Variants in CRLF2 observed in about 807,000 individuals in gnomAD.
CRLF2 encodes the protein cytokine receptor like factor 2, also known as cytokine receptor-like factor 2.
Under a neutral mutation model 38.7 loss-of-function variants are expected in CRLF2, and 41 were observed. The ratio of observed to expected loss-of-function variants is 1.06; its 90% CI spans 0.83 to 1.37. The LOEUF (loss-of-function observed/expected upper bound fraction) is 1.37. Among genes scored for constraint, CRLF2 ranks in the 40% most tolerant of loss-of-function variants. The pLI is 0.00. For missense variants in CRLF2, 377 were observed against 322.2 expected (o/e 1.17, Z -1.30); for synonymous variants, 140 against 128.8 (o/e 1.09, Z -0.59).
At position 1,190,543 on chromosome X, in the gene CRLF2, A is replaced by G. The variant is rs1239210522; in HGVS notation, c.*354T>C. Reference sequence around the variant, plus strand: ...GAATCCAATGCTATGGGAATGGTACATGGACGGAACTGGGGACTCACAGAG... The same window carrying G: ...GAATCCAATGCTATGGGAATGGTACGTGGACGGAACTGGGGACTCACAGAG... On this transcript the variant is annotated 3_prime_UTR_variant, in exon 8 of 8. Transcript: ENST00000400841. 3,134 of 292,644 alleles carry G rather than the reference A, an allele frequency of 0.011. 91 individuals carry two copies. The highest frequency in any genetic ancestry group is 0.062 in the African/African-American group (2,903 of 47,154). 18.1% of individuals were successfully genotyped at this position (292,644 alleles called of 1,614,324 possible).
rs763441854 is a variant in CRLF2, at chrX:1,196,777, T to C, written c.767+3A>G. 2 of 1,613,248 alleles carry C rather than the reference T, an allele frequency of 1.2e-6. No individual in the cohort carries two copies. The highest frequency in any genetic ancestry group is 2.2e-5 in the East Asian group (1 of 44,876). Reference sequence around the variant, plus strand: ...ACCCACGGGCGGCAGGAGTCATCCTTACCTCCATAATTTCCATAAAGACAG... The same window carrying C: ...ACCCACGGGCGGCAGGAGTCATCCTCACCTCCATAATTTCCATAAAGACAG... On this transcript the variant is annotated splice_donor_region_variant and intron_variant, in intron 6 of 7. Coordinates refer to ENST00000400841, the MANE Select transcript of CRLF2 (RefSeq NM_022148.4).
intron 3 of CRLF2, among the ~76,000 whole-genome samples, chrX:1,203,216 A>T (rs1371692092): frequency 6.6e-6 from 1 of 152,036 alleles, no homozygotes; most frequent in East Asian, 1.9e-4. Context: ...ATCCAATGAC[A>T]GGTGTCCTTC....
chrX:1,206,849 G>A (rs2086699729), intron 2 of CRLF2, among the ~76,000 whole-genome samples: 1 of 150,818 alleles, frequency 6.6e-6, no homozygotes, highest in Non-Finnish European at 1.5e-5. Flanking sequence ...CACCATGTTG[G>A]GGCCAGGCTG....
In CRLF2 at chrX:1,191,137, G is replaced by A. The variant is rs2086366121; in HGVS notation, c.876C>T (p.Asn292=). ...CTGCCATCTTGTGGAGGTGGGCCAC[G>A]TTCTGGGTGTCTGTGATCCACTCCT... ...NFQEWITDTQ[N]VAHLHKMAGA... The change falls in exon 8 of 8, where the codon AAC becomes AAT. Residue 292 remains asparagine, a synonymous_variant. Transcript: ENST00000400841. 2.3e-5 allele frequency: 9 copies of A among 398,582 alleles called. No homozygotes were observed. The South Asian group carries it at 6.4e-4, about 28-fold the overall frequency. 24.7% of individuals were successfully genotyped at this position (398,582 alleles called of 1,614,324 possible).
At chrX:1,198,522 G>A (rs777927784) in intron 5 of CRLF2, 40 bp downstream of exon 5, 7 of 1,610,578 alleles carry the variant, frequency 4.3e-6, no homozygotes, top group African/African-American at 1.3e-5. Flanking sequence ...CTCCAGCCTG[G>A]TGACAAGGCT....
chrX:1,201,987 GAGAT>G (rs2086616675), intron 4 of CRLF2, among the ~76,000 whole-genome samples: 1 of 127,270 alleles, frequency 7.9e-6, no homozygotes, highest in Admixed American at 8.8e-5. Flanking sequence ...TTGAAAGACA[GAGAT>G]AGAGATAAAA....
rs1234464042 is a variant in CRLF2, at chrX:1,210,096, T to C, written c.80-1188A>G. Among the ~76,000 whole-genome samples, 11 of 70,562 alleles carry C rather than the reference T, an allele frequency of 1.6e-4. No individual in the cohort carries two copies. In the Admixed American group the frequency reaches 1.8e-3, roughly 11 times the overall value. 46.3% of individuals were successfully genotyped at this position (70,562 alleles called of 152,430 possible). A position where few individuals can be genotyped will look rare whatever the true frequency, so the allele number is the denominator to read the frequency against. On this transcript the variant is annotated intron_variant, in intron 1 of 7. Transcript: ENST00000400841. Reference sequence around the variant, plus strand: ...TCCAGCCTGGGTGACACAGCAAGACTCCCTATCAAAAAAAAAAAAGAAAAG... The same window carrying C: ...TCCAGCCTGGGTGACACAGCAAGACCCCCTATCAAAAAAAAAAAAGAAAAG...
At chrX:1,201,590 C>T (rs28582714) in intron 4 of CRLF2, among the ~76,000 whole-genome samples, 4 of 19,584 alleles carry the variant, frequency 2.0e-4, no homozygotes, top group African/African-American at 6.2e-4. Flanking sequence ...GATGATAGAG[C>T]AATGATAGAG....
At chrX:1,203,555 A>T (rs2086644523) in intron 3 of CRLF2, among the ~76,000 whole-genome samples, 1 of 151,070 alleles carries the variant, frequency 6.6e-6, no homozygotes, top group Non-Finnish European at 1.5e-5. Context: ...ATCTAATGAC[A>T]GGTGCCCTTG....
rs760774146 is a variant in CRLF2 at position 1,203,679 on chromosome X, G to A, written c.350-1144C>T. Among the ~76,000 whole-genome samples the A allele has an allele frequency of 3.6e-3, 547 of 152,284 alleles. 3 individuals are homozygous for A. The highest frequency in any genetic ancestry group is 0.013 in the African/African-American group (534 of 41,566). On this transcript the variant is annotated intron_variant, in intron 3 of 7. Coordinates refer to ENST00000400841, the MANE Select transcript of CRLF2 (RefSeq NM_022148.4). ...CTGGAGCCCCCAGGAGCTGGGAGAG[G>A]CAGGAAGGATCCTCCCTTAGAACCT... is the stretch of plus-strand genomic sequence containing the variant.
chrX:1,198,399 C>A (rs867237435), intron 5 of CRLF2, among the ~76,000 whole-genome samples, 163 bp downstream of exon 5: 31 of 29,888 alleles, frequency 1.0e-3, no homozygotes, highest in South Asian at 2.9e-3. Context: ...CCTCCCACCT[C>A]GAAGGCAGGA....
At chrX:1,206,832 A>G (rs1191054255) in intron 2 of CRLF2, among the ~76,000 whole-genome samples, 1 of 150,608 alleles carries the variant, frequency 6.6e-6, no homozygotes, top group Admixed American at 6.7e-5. Flanking sequence ...TACTGGAGAC[A>G]GGGTTTCACC....
intron 4 of CRLF2, among the ~76,000 whole-genome samples, chrX:1,200,399 G>A (rs1448303412): frequency 8.3e-5 from 8 of 96,456 alleles, no homozygotes; most frequent in East Asian, 9.1e-4. Context: ...ATATGTGTGT[G>A]TATATGTGTA....
intron 6 of CRLF2, 84 bp downstream of exon 6, chrX:1,196,696 A>C: frequency 2.0e-6 from 3 of 1,531,250 alleles, no homozygotes; most frequent in Non-Finnish European, 2.7e-6. Flanking sequence ...AAATGACTCT[A>C]TCAGGCGATT....
intron 2 of CRLF2, among the ~76,000 whole-genome samples, chrX:1,207,688 C>T (rs2086717531): frequency 1.3e-5 from 2 of 150,476 alleles, no homozygotes; most frequent in African/African-American, 4.9e-5. Context: ...GAGACAGTCT[C>T]GCTCTGTCGG....
At chrX:1,204,375 T>C (rs2086657881) in intron 3 of CRLF2, among the ~76,000 whole-genome samples, 1 of 151,680 alleles carries the variant, frequency 6.6e-6, no homozygotes, top group South Asian at 2.1e-4. Context: ...ATTACAGGCA[T>C]GCACCACCAA....
At position 1,208,852 on chromosome X, in the gene CRLF2, A is replaced by T; in HGVS notation, c.136T>A (p.Trp46Arg). 6.2e-7 allele frequency: 1 copy of T among 1,612,936 alleles called. No individual in the cohort carries two copies. The highest frequency in any genetic ancestry group is 2.2e-5 in the East Asian group (1 of 44,876). The change falls in exon 2 of 8, where the codon TGG becomes AGG. Residue 46 changes from tryptophan (W) to arginine (R), a missense_variant. Physicochemically the swap from Trp to Arg is moderately radical, Grantham distance 101 (BLOSUM62 -3). Coordinates refer to ENST00000400841, the MANE Select transcript of CRLF2 (RefSeq NM_022148.4). ...YFNLETVQVT[W>R]NASKYSRTNL... ...GTCCTGGAGTATTTGCTGGCATTCCATGTCACCTGCACGGTTTCTAAATTG... is the reference window on the plus strand; with the variant it reads ...GTCCTGGAGTATTTGCTGGCATTCCTTGTCACCTGCACGGTTTCTAAATTG...
At chrX:1,192,739 TC>T (rs2086413111) in intron 7 of CRLF2, among the ~76,000 whole-genome samples, 1 of 144,590 alleles carries the variant, frequency 6.9e-6, no homozygotes, top group African/African-American at 2.6e-5. Context: ...TTTCTTTCTT[TC>T]TTTCTTTCTT....
At chrX:1,211,168 AATGG>A (rs771886142) in intron 1 of CRLF2, among the ~76,000 whole-genome samples, 48,499 of 125,364 alleles carry the variant, frequency 0.39, 9,576 homozygotes, top group African/African-American at 0.58. Context: ...TACATAGGTG[AATGG>A]ATGGATGGAT....
Sources: allele counts gnomAD v4.1 joint callset (sites outside exome capture counted in the v4.1 genomes callset), GRCh38; gene constraint gnomAD v4.1.1; transcripts MANE v1.5; gene names NCBI Gene and HGNC (gene_info 2026-07-23, HGNC 2026-07-21).